Variants in NRG3 observed in about 807,000 individuals in gnomAD.
The protein encoded by NRG3 is pro-neuregulin-3, membrane-bound isoform.
A neutral mutation model predicts 66.9 loss-of-function variants in NRG3; 31 were observed. The observed-to-expected ratio is 0.46, with a 90% confidence interval of 0.35 to 0.63. NRG3 has a LOEUF of 0.63. Ranked by LOEUF, NRG3 falls within the 20% of genes least tolerant of loss-of-function variation. The probability of loss-of-function intolerance (pLI) is 0.00; values close to 1 mark genes in which losing one functional copy is unlikely to be tolerated. For synonymous variants in NRG3, 393 were observed against 359.4 expected, an observed-to-expected ratio of 1.09 and a Z score of -1.06; for missense variants, 910 against 878.9, an observed-to-expected ratio of 1.04 and a Z score of -0.45.
At chr10:82,823,942 C>A (rs1000114605) in intron 3 of NRG3, among the ~76,000 whole-genome samples, 2 of 152,114 alleles carry the variant, frequency 1.3e-5, no homozygotes, top group African/African-American at 2.4e-5. Flanking sequence ...CTATCTAATT[C>A]CAGAGTTCTC....
intron 2 of NRG3, among the ~76,000 whole-genome samples, chr10:82,625,823 A>T (rs576122179): frequency 1.3e-5 from 2 of 152,314 alleles, no homozygotes; most frequent in Admixed American, 6.5e-5. Context: ...ATATGTCACC[A>T]CTAGAGCAAC....
chr10:82,658,983 G>A (rs528604829), intron 2 of NRG3, among the ~76,000 whole-genome samples: 1 of 152,262 alleles, frequency 6.6e-6, no homozygotes, highest in African/African-American at 2.4e-5. Flanking sequence ...ATGGGAATGA[G>A]GAGGCTATAA....
At chr10:82,317,916 C>T (rs1015854443) in intron 1 of NRG3, among the ~76,000 whole-genome samples, 2 of 151,768 alleles carry the variant, frequency 1.3e-5, no homozygotes, top group African/African-American at 4.8e-5. Context: ...TCATCTGTGC[C>T]TTTGTCTGGC....
chr10:82,774,410 T>C (rs2059821400), intron 3 of NRG3, among the ~76,000 whole-genome samples: 1 of 152,166 alleles, frequency 6.6e-6, no homozygotes, highest in Non-Finnish European at 1.5e-5. Context: ...CTTTTCTTTG[T>C]TTAAAAGTTT....
At chr10:82,024,158 T>G (rs1174753562) in intron 1 of NRG3, among the ~76,000 whole-genome samples, 7 of 151,266 alleles carry the variant, frequency 4.6e-5, no homozygotes, top group Non-Finnish European at 1.0e-4. Flanking sequence ...CAGAATATCC[T>G]CTAGTGAGTC....
intron 1 of NRG3, among the ~76,000 whole-genome samples, chr10:82,120,690 A>G (rs2068028649): frequency 6.6e-6 from 1 of 152,142 alleles, no homozygotes; most frequent in African/African-American, 2.4e-5. Context: ...CTTTTGAGGG[A>G]CCAAATTGCA....
chr10:82,397,251 G>A (rs2086772859), intron 2 of NRG3, among the ~76,000 whole-genome samples: 1 of 152,138 alleles, frequency 6.6e-6, no homozygotes, highest in African/African-American at 2.4e-5. Context: ...AACTTTTAAT[G>A]CTAATATTGT....
At chr10:82,967,989 A>G (rs973536342) in intron 6 of NRG3, among the ~76,000 whole-genome samples, 2 of 152,244 alleles carry the variant, frequency 1.3e-5, no homozygotes, top group African/African-American at 4.8e-5. Flanking sequence ...ATTCAGTTGC[A>G]GAAAAGCTGA....
chr10:82,753,614 T>G (rs1310498025), intron 3 of NRG3, among the ~76,000 whole-genome samples: 1 of 151,996 alleles, frequency 6.6e-6, no homozygotes, highest in African/African-American at 2.4e-5. Flanking sequence ...TTAGAATAAT[T>G]CATTTTTTAC....
At position 82,400,095 on chromosome 10, in the gene NRG3, G is replaced by T. The variant is rs2211632; in HGVS notation, c.953+41227G>T. Among the ~76,000 whole-genome samples, 684 of 152,118 alleles carry T rather than the reference G, an allele frequency of 4.5e-3. 4 individuals are homozygous for T. Among genetic ancestry groups the T allele is most frequent in the African/African-American group, 0.016 (662 of 41,498 alleles). ...CAGATATTAAATAATTTAATCGCTA[G>T]AAAAAGAAAGCAAAGCATAGATAAC... is the stretch of plus-strand genomic sequence containing the variant. On this transcript the variant is annotated intron_variant, in intron 2 of 8. Coordinates refer to ENST00000372141, the MANE Select transcript of NRG3 (RefSeq NM_001010848.4).
In NRG3 at chr10:82,184,708, G is replaced by A. The variant is rs1056123626; in HGVS notation, c.824-174031G>A. ...AAACGAAGAATGTGTTACTTTGGAA[G>A]AGGTCATTAGCTTCTACAAAATGTA... On this transcript the variant is annotated intron_variant, in intron 1 of 8. Transcript: ENST00000372141. Among the ~76,000 whole-genome samples, 5 of 152,224 alleles carry A rather than the reference G, an allele frequency of 3.3e-5. No homozygotes were observed. The South Asian group carries it at 1.0e-3, about 32-fold the overall frequency.
At chr10:82,742,069 T>TC (rs1208441153) in intron 3 of NRG3, among the ~76,000 whole-genome samples, 1 of 152,002 alleles carries the variant, frequency 6.6e-6, no homozygotes, top group African/African-American at 2.4e-5. Context: ...CTCCATTTTT[T>TC]CTCTTCTGTC....
chr10:82,839,514 T>TAA (rs1326941469), intron 3 of NRG3, among the ~76,000 whole-genome samples: 6 of 151,710 alleles, frequency 4.0e-5, no homozygotes, highest in African/African-American at 1.4e-4. Context: ...CACCAAGGGA[T>TAA]AAGTAATAAG....
chr10:82,893,201 A>G (rs1843324955), intron 4 of NRG3, among the ~76,000 whole-genome samples: 1 of 152,214 alleles, frequency 6.6e-6, no homozygotes, highest in South Asian at 2.1e-4. Context: ...ACAACATTCT[A>G]GTGCATAACA....
chr10:82,319,385 T>C (rs1313396589), intron 1 of NRG3, among the ~76,000 whole-genome samples: 1 of 152,222 alleles, frequency 6.6e-6, no homozygotes, highest in Admixed American at 6.5e-5. Flanking sequence ...ATAATGAGGC[T>C]GTTGTATGCA....
intron 2 of NRG3, among the ~76,000 whole-genome samples, chr10:82,734,159 G>A (rs1013533083): frequency 3.9e-5 from 6 of 152,148 alleles, no homozygotes; most frequent in African/African-American, 1.2e-4. Context: ...GGTACTGTTC[G>A]CTTTTCTCTG....
intron 1 of NRG3, among the ~76,000 whole-genome samples, chr10:82,197,698 A>G (rs1321146145): frequency 2.0e-5 from 3 of 152,174 alleles, no homozygotes; most frequent in Non-Finnish European, 4.4e-5. Context: ...CATAGGAAGG[A>G]CCATGTGATA....
At chr10:82,939,052 A>C (rs893824806) in intron 4 of NRG3, among the ~76,000 whole-genome samples, 1 of 152,184 alleles carries the variant, frequency 6.6e-6, no homozygotes, top group African/African-American at 2.4e-5. Flanking sequence ...TTTTACTTAT[A>C]ATTTATTTGT....
At chr10:81,935,876 A>AACACACACACACACAC (rs55670416) in intron 1 of NRG3, among the ~76,000 whole-genome samples, 1 of 132,440 alleles carries the variant, frequency 7.6e-6, no homozygotes, top group Non-Finnish European at 1.6e-5. Context: ...TCAGTGCCTG[A>AACACACACACACACAC]ACACACACAC....
Sources: allele counts gnomAD v4.1 joint callset (sites outside exome capture counted in the v4.1 genomes callset), GRCh38; gene constraint gnomAD v4.1.1; transcripts MANE v1.5; gene names NCBI Gene and HGNC (gene_info 2026-07-23, HGNC 2026-07-21).